Variants in POLQ observed in about 807,000 individuals in gnomAD.
The protein encoded by POLQ is DNA polymerase theta, also known as epididymis secretory sperm binding protein.
A neutral mutation model predicts 259.2 loss-of-function variants in POLQ; 233 were observed. The observed-to-expected ratio is 0.90, with a 90% CI of 0.81 to 1.00. The LOEUF (loss-of-function observed/expected upper bound fraction) is 1.00. POLQ is among the 50% of genes least tolerant of loss of function. The probability of loss-of-function intolerance (pLI) is 0.00; values close to 1 mark genes in which losing one functional copy is unlikely to be tolerated. For missense variants in POLQ, 2,871 were observed against 3,051.6 expected (o/e 0.94, Z 1.39); for synonymous variants, 1,025 against 1,048.8 (o/e 0.98, Z 0.44).
intron 7 of POLQ, among the ~76,000 whole-genome samples, chr3:121,525,893 C>A (rs1372547824): frequency 1.3e-5 from 2 of 151,848 alleles, no homozygotes; most frequent in African/African-American, 4.8e-5. Context: ...TTACCTCCAC[C>A]TTTTTTTTGC....
intron 24 of POLQ, 145 bp downstream of exon 24, chr3:121,467,374 A>G: frequency 2.7e-6 from 2 of 743,834 alleles, no homozygotes; most frequent in Non-Finnish European, 4.3e-6. Flanking sequence ...CTGGCATGAC[A>G]AAGGAGAAAG....
chr3:121,459,255 T>A (rs139713340), intron 25 of POLQ, among the ~76,000 whole-genome samples: 72 of 152,262 alleles, frequency 4.7e-4, no homozygotes, highest in African/African-American at 1.7e-3. Flanking sequence ...AGCAATATTT[T>A]TTCAACAAAC....
At chr3:121,496,383 G>T (rs986046284) in intron 14 of POLQ, among the ~76,000 whole-genome samples, 2 of 151,884 alleles carry the variant, frequency 1.3e-5, no homozygotes, top group African/African-American at 4.8e-5. Context: ...CACCATCTTG[G>T]CCAGGCTGGT....
At chr3:121,457,606 T>C (rs893570217) in intron 25 of POLQ, among the ~76,000 whole-genome samples, 2 of 152,194 alleles carry the variant, frequency 1.3e-5, no homozygotes, top group African/African-American at 4.8e-5. Flanking sequence ...AAAGAAGACA[T>C]TTATGTAGCC....
chr3:121,524,909 T>C (rs1204670172), intron 7 of POLQ, among the ~76,000 whole-genome samples: 1 of 148,266 alleles, frequency 6.7e-6, no homozygotes, highest in Non-Finnish European at 1.5e-5. Context: ...TGTATATACA[T>C]GCATGTGCGT....
intron 26 of POLQ, among the ~76,000 whole-genome samples, chr3:121,444,257 C>T (rs982180494): frequency 2.0e-5 from 3 of 151,920 alleles, no homozygotes; most frequent in Non-Finnish European, 2.9e-5. Context: ...TTTTTGTGTC[C>T]TCTTCAATTT....
At chr3:121,439,853 A>T in intron 27 of POLQ, 139 bp downstream of exon 27, 1 of 722,414 alleles carries the variant, frequency 1.4e-6, no homozygotes, top group Non-Finnish European at 2.3e-6. Context: ...TAATGAAACC[A>T]ATGGTTGACG....
At chr3:121,535,774 A>G (rs1041015310) in intron 5 of POLQ, among the ~76,000 whole-genome samples, 1 of 152,104 alleles carries the variant, frequency 6.6e-6, no homozygotes, top group South Asian at 2.1e-4. Flanking sequence ...AAGTTCTCAA[A>G]AAGTTTATAC....
chr3:121,531,713 AGTG>A (rs1450982987), intron 6 of POLQ, among the ~76,000 whole-genome samples: 1 of 152,228 alleles, frequency 6.6e-6, no homozygotes, highest in Non-Finnish European at 1.5e-5. Context: ...AAGAAATATA[AGTG>A]GTTCAAAAGG....
chr3:121,472,282 C>T (rs2047889864), intron 21 of POLQ, 118 bp from the exon 22 acceptor site: 1 of 475,116 alleles, frequency 2.1e-6, no homozygotes, highest in South Asian at 5.5e-5. Context: ...ATCGACAACT[C>T]AAAACTATTA....
At chr3:121,455,332 C>A (rs1378796929) in intron 25 of POLQ, among the ~76,000 whole-genome samples, 4 of 142,584 alleles carry the variant, frequency 2.8e-5, no homozygotes, top group Admixed American at 7.1e-5. Flanking sequence ...ACTAGAAAAG[C>A]AAGAGCAAAC....
Position 121,498,543 on chromosome 3 carries a change from C to T in POLQ, c.2087G>A (p.Arg696His), listed in dbSNP as rs139579768. 207 of 1,613,944 alleles carry T rather than the reference C, an allele frequency of 1.3e-4. 1 individual carries two copies. Among genetic ancestry groups the T allele is most frequent in the Middle Eastern group, 1.2e-3 (7 of 6,084 alleles). The change falls in exon 13 of 30, where the codon CGT becomes CAT. Residue 696 changes from arginine (R) to histidine (H), a missense_variant. Arg to His is a conservative substitution (Grantham distance 29). Transcript: ENST00000264233. ...GGCTACTACTTTTCCTTTCACACAA[C>T]GGGCCAAGAACCCCTCTTCAACTCC... The part of the protein sequence containing the change: ...LVGVEEGFLA[R>H]CVKGKVVART...
chr3:121,472,445 C>T (rs1003388937), intron 21 of POLQ, among the ~76,000 whole-genome samples: 7 of 152,132 alleles, frequency 4.6e-5, no homozygotes, highest in African/African-American at 9.7e-5. Context: ...TCCCCACACC[C>T]GACCAAAAGT....
chr3:121,494,051 C>T, intron 14 of POLQ: 1 of 625,322 alleles, frequency 1.6e-6, no homozygotes, highest in Non-Finnish European at 2.8e-6. Flanking sequence ...CTCTCTCTTT[C>T]TTAAGCAAAA....
intron 18 of POLQ, 65 bp from the exon 19 acceptor site, chr3:121,481,877 T>A: frequency 7.1e-7 from 1 of 1,416,776 alleles, no homozygotes; most frequent in Non-Finnish European, 9.6e-7. Flanking sequence ...TACCTCTAAA[T>A]GAAAAGGGAA....
chr3:121,447,119 A>G (rs1373904466), intron 26 of POLQ, among the ~76,000 whole-genome samples: 2 of 139,658 alleles, frequency 1.4e-5, no homozygotes, highest in African/African-American at 5.3e-5. Flanking sequence ...TATCTGTTGT[A>G]TATTTTTTTA....
intron 24 of POLQ, among the ~76,000 whole-genome samples, chr3:121,466,407 T>C (rs2047836886): frequency 1.1e-5 from 1 of 87,444 alleles, no homozygotes; most frequent in African/African-American, 3.7e-5. Flanking sequence ...ACCATACACC[T>C]TAGCCAGGCG....
At chr3:121,510,685 T>G (rs772113758) in intron 10 of POLQ, among the ~76,000 whole-genome samples, 2 of 152,230 alleles carry the variant, frequency 1.3e-5, no homozygotes, top group Non-Finnish European at 2.9e-5. Flanking sequence ...AATCTTAATG[T>G]AGAGATTCTT....
In POLQ at chr3:121,545,665, C is replaced by A. The variant is rs754612352; in HGVS notation, c.163+50G>T. 4.3e-5 allele frequency: 65 copies of A among 1,497,752 alleles called. 1 individual carries two copies. In the South Asian group the frequency reaches 8.2e-4, roughly 19 times the overall value. The allele number at this position is 1,497,752 out of a possible 1,614,324, so 92.8% of individuals were successfully genotyped here. On this transcript the variant is annotated intron_variant, in intron 1 of 29. Transcript: ENST00000264233. ...GGTGAGGACACCTCCCGACCCATGG[C>A]CCGGCGGAGCTGCCCCCGTTGCCCG...
Sources: gnomAD v4.1 joint callset for allele counts (sites outside exome capture counted in the v4.1 genomes callset) on GRCh38, gnomAD v4.1.1 for gene constraint, MANE v1.5 for transcripts, NCBI Gene and HGNC (gene_info 2026-07-23, HGNC 2026-07-21) for gene names.